Variants in SGCZ observed in about 807,000 individuals in gnomAD.
SGCZ encodes the protein sarcoglycan zeta.
SGCZ carries 40 observed loss-of-function variants against 41.3 expected under a neutral mutation model. The observed-to-expected ratio is 0.97, with a 90% CI of 0.75 to 1.26. The LOEUF is 1.26. Ranked by LOEUF, SGCZ falls within the 50% of genes most tolerant of loss-of-function variation. SGCZ has a pLI of 0.00. For synonymous variants in SGCZ, 206 were observed against 137.5 expected, an observed-to-expected ratio of 1.50 and a Z score of -3.49; for missense variants, 552 against 369.8, an observed-to-expected ratio of 1.49 and a Z score of -4.04.
At chr8:15,198,229 C>T (rs892207494) in intron 1 of SGCZ, among the ~76,000 whole-genome samples, 1 of 151,682 alleles carries the variant, frequency 6.6e-6, no homozygotes, top group Non-Finnish European at 1.5e-5. Flanking sequence ...AAAATCTTCA[C>T]CTATTTGCAT....
intron 1 of SGCZ, among the ~76,000 whole-genome samples, chr8:14,870,204 G>A (rs144910213): frequency 1.3e-5 from 2 of 152,136 alleles, no homozygotes; most frequent in East Asian, 1.9e-4. Flanking sequence ...AAAACAGTAC[G>A]GTACTAGTAC....
intron 1 of SGCZ, among the ~76,000 whole-genome samples, chr8:14,834,250 G>A (rs1185706519): frequency 6.6e-6 from 1 of 151,944 alleles, no homozygotes; most frequent in Non-Finnish European, 1.5e-5. Context: ...TAGATTCTAT[G>A]GATTTATATT....
At chr8:14,768,763 C>G (rs929764564) in intron 1 of SGCZ, among the ~76,000 whole-genome samples, 8 of 151,962 alleles carry the variant, frequency 5.3e-5, no homozygotes, top group Non-Finnish European at 1.2e-4. Flanking sequence ...AAGAGGACTG[C>G]ACTCATCATT....
chr8:14,672,462 A>G (rs1485613980), intron 1 of SGCZ, among the ~76,000 whole-genome samples: 2 of 152,190 alleles, frequency 1.3e-5, no homozygotes, highest in Non-Finnish European at 2.9e-5. Flanking sequence ...GTATGTATTT[A>G]ATATTCAGCC....
At chr8:14,583,869 A>G (rs1434802300) in intron 1 of SGCZ, among the ~76,000 whole-genome samples, 1 of 152,118 alleles carries the variant, frequency 6.6e-6, no homozygotes, top group Non-Finnish European at 1.5e-5. Context: ...TTATTTATTT[A>G]GGTCTTTCTT....
At chr8:14,731,801 A>G (rs141076338) in intron 1 of SGCZ, among the ~76,000 whole-genome samples, 22 of 152,268 alleles carry the variant, frequency 1.4e-4, no homozygotes, top group African/African-American at 2.4e-4. Flanking sequence ...TTCTTTTTCT[A>G]AAATGGTTAC....
At chr8:14,215,819 G>A (rs768748348) in intron 4 of SGCZ, among the ~76,000 whole-genome samples, 1 of 152,198 alleles carries the variant, frequency 6.6e-6, no homozygotes, top group Non-Finnish European at 1.5e-5. Flanking sequence ...CCTTAAATAA[G>A]AGTGTGTAAT....
At chr8:14,340,506 TA>T (rs1802665146) in intron 2 of SGCZ, among the ~76,000 whole-genome samples, 1 of 152,186 alleles carries the variant, frequency 6.6e-6, no homozygotes, top group South Asian at 2.1e-4. Flanking sequence ...CTTATTTTAA[TA>T]AGGGAAGAGA....
At chr8:14,269,194 T>C (rs960968255) in intron 3 of SGCZ, among the ~76,000 whole-genome samples, 4 of 152,286 alleles carry the variant, frequency 2.6e-5, no homozygotes, top group African/African-American at 4.8e-5. Context: ...TAGCATTATA[T>C]TGTAAGCACT....
intron 2 of SGCZ, among the ~76,000 whole-genome samples, chr8:14,503,728 A>G (rs1010406144): frequency 1.2e-4 from 18 of 152,138 alleles, no homozygotes; most frequent in Admixed American, 7.2e-4. Flanking sequence ...AGATCACACC[A>G]CTGCACTCCA....
intron 1 of SGCZ, among the ~76,000 whole-genome samples, chr8:14,960,452 A>G (rs183885308): frequency 1.3e-5 from 2 of 152,238 alleles, no homozygotes; most frequent in African/African-American, 2.4e-5. Context: ...AAATTTTGCC[A>G]GTCAGATTTT....
intron 3 of SGCZ, among the ~76,000 whole-genome samples, chr8:14,314,114 A>G (rs905733928): frequency 6.6e-6 from 1 of 152,122 alleles, no homozygotes; most frequent in Non-Finnish European, 1.5e-5. Flanking sequence ...ATCTGTAGAA[A>G]AAAATACGCA....
chr8:14,149,523 C>T (rs184025934), intron 5 of SGCZ, among the ~76,000 whole-genome samples: 112 of 151,722 alleles, frequency 7.4e-4, no homozygotes, highest in African/African-American at 1.9e-3. Context: ...TTGAAAGGAA[C>T]GCCAAAAAAT....
chr8:14,119,852 G>A (rs1014689060), intron 5 of SGCZ, among the ~76,000 whole-genome samples: 1 of 152,128 alleles, frequency 6.6e-6, no homozygotes, highest in East Asian at 1.9e-4. Flanking sequence ...CTGTTTATAT[G>A]ATGGATTACA....
intron 1 of SGCZ, among the ~76,000 whole-genome samples, chr8:15,229,192 A>G (rs1048586274): frequency 2.0e-5 from 3 of 152,166 alleles, no homozygotes; most frequent in African/African-American, 4.8e-5. Context: ...ACTCCGTCTC[A>G]AAAAATAAAA....
At chr8:14,679,515 T>TAC (rs1011453143) in intron 1 of SGCZ, among the ~76,000 whole-genome samples, 28 of 97,274 alleles carry the variant, frequency 2.9e-4, no homozygotes, top group African/African-American at 8.3e-4. Context: ...ATTATATATA[T>TAC]ACACACATAT....
intron 1 of SGCZ, among the ~76,000 whole-genome samples, chr8:14,564,216 T>A (rs1804290104): frequency 6.6e-6 from 1 of 152,166 alleles, no homozygotes; most frequent in Non-Finnish European, 1.5e-5. Flanking sequence ...ACCATGCAAA[T>A]TTAATCTGGA....
intron 1 of SGCZ, among the ~76,000 whole-genome samples, chr8:15,077,470 A>G (rs1181169863): frequency 1.3e-5 from 2 of 152,230 alleles, no homozygotes; most frequent in Admixed American, 1.3e-4. Flanking sequence ...ACTTTTTAGC[A>G]TATGTAAAAT....
rs958143635 is a variant in SGCZ, at chr8:14,090,318, A to T, written c.*125T>A. ...AAGGTGGTGGCGAATCCCTGCTCACACTGGAAGTTGCTCTGTGGACCATTC... is the reference window on the plus strand; with the variant it reads ...AAGGTGGTGGCGAATCCCTGCTCACTCTGGAAGTTGCTCTGTGGACCATTC... On this transcript the variant is annotated 3_prime_UTR_variant, in exon 8 of 8. Transcript: ENST00000382080. The T allele has an allele frequency of 1.1e-6, 1 of 946,212 alleles. No homozygotes were observed. The highest frequency in any genetic ancestry group is 1.5e-6 in the Non-Finnish European group (1 of 650,614). The allele number at this position is 946,212 out of a possible 1,614,324, so 58.6% of individuals were successfully genotyped here. A position where few individuals can be genotyped will look rare whatever the true frequency, so the allele number is the denominator to read the frequency against.
Sources: allele counts gnomAD v4.1 joint callset (sites outside exome capture counted in the v4.1 genomes callset), GRCh38; gene constraint gnomAD v4.1.1; transcripts MANE v1.5; gene names NCBI Gene and HGNC (gene_info 2026-07-23, HGNC 2026-07-21).